Variants in GLI2 observed in about 807,000 individuals in gnomAD.
GLI2 encodes transcription activator GLI2.
GLI2 carries 22 observed loss-of-function variants against 78.9 expected under a neutral mutation model. The ratio of observed to expected loss-of-function variants is 0.28; its 90% confidence interval spans 0.20 to 0.40. The LOEUF is 0.40. Ranked by LOEUF, GLI2 falls within the 10% of genes least tolerant of loss-of-function variation. The pLI is 1.00. For missense variants in GLI2, 2,097 were observed against 2,213.2 expected, an observed-to-expected ratio of 0.95 and a Z score of 1.05; for synonymous variants, 974 against 963.7, an observed-to-expected ratio of 1.01 and a Z score of -0.20.
chr2:120,969,966 A>G (rs963035258), intron 6 of GLI2, among the ~76,000 whole-genome samples: 1 of 152,174 alleles, frequency 6.6e-6, no homozygotes, highest in Non-Finnish European at 1.5e-5. Context: ...GTGCAGTAAG[A>G]AGAGGAGAAT....
In GLI2 at chr2:120,974,878, G is replaced by T. The variant is rs146050362; in HGVS notation, c.1183-97G>T. 1,199 of 1,581,000 alleles carry T rather than the reference G, an allele frequency of 7.6e-4. 2 individuals carry two copies. Among genetic ancestry groups the T allele is most frequent in the Middle Eastern group, 1.8e-3 (10 of 5,422 alleles). On this transcript the variant is annotated intron_variant, in intron 8 of 13. Transcript: ENST00000361492. ...TGCATCCACACCTGTAACAGCCCAG[G>T]GTCCTTGGCACAGAATGCATGGGAC...
intron 2 of GLI2, among the ~76,000 whole-genome samples, chr2:120,918,105 G>C (rs1374655004): frequency 2.6e-5 from 4 of 152,190 alleles, no homozygotes; most frequent in Non-Finnish European, 5.9e-5. Context: ...CTCTGCCCTG[G>C]GTGGTGAGCA....
Position 120,986,538 on chromosome 2 carries a change from A to C in GLI2, c.2166A>C (p.Ser722=), listed in dbSNP as rs367706077. Reference sequence around the variant, plus strand: ...AGCTCAAGAAGGAGAAGCTCAAGTCACTCAAGGATTCCTGCTCATGGGCCG... The same window carrying C: ...AGCTCAAGAAGGAGAAGCTCAAGTCCCTCAAGGATTCCTGCTCATGGGCCG... ...FEQLKKEKLK[S]LKDSCSWAGP... is the part of the protein sequence containing the mutation. Residue 722 remains serine, a synonymous_variant, in exon 13 of 14, where the codon TCA becomes TCC. Transcript: ENST00000361492. 4 of 1,614,030 alleles carry C rather than the reference A, an allele frequency of 2.5e-6. No individual in the cohort carries two copies. The East Asian group carries it at 8.9e-5, about 36-fold the overall frequency.
intron 2 of GLI2, among the ~76,000 whole-genome samples, chr2:120,898,493 G>A (rs1251777399): frequency 1.3e-5 from 2 of 152,154 alleles, no homozygotes; most frequent in African/African-American, 4.8e-5. Context: ...CCAGCTCGGA[G>A]TGCAGAGCCA....
rs192418945 is a variant in GLI2 at position 120,860,266 on chromosome 2, G to A, written c.148+62798G>A. ...AAGGTCAAGCGGTCAGTACCACAGCGTGCCCTGAGGATGGCTTCGGTCAGT... is the reference window on the plus strand; with the variant it reads ...AAGGTCAAGCGGTCAGTACCACAGCATGCCCTGAGGATGGCTTCGGTCAGT... On this transcript the variant is annotated intron_variant, in intron 2 of 13. Transcript: ENST00000361492. Among the ~76,000 whole-genome samples the A allele has an allele frequency of 2.1e-3, 319 of 152,290 alleles. 5 individuals carry two copies. Among genetic ancestry groups the A allele is most frequent in the Non-Finnish European group, 6.3e-4 (43 of 68,020 alleles).
intron 3 of GLI2, among the ~76,000 whole-genome samples, chr2:120,930,489 G>A (rs1452356931): frequency 6.6e-6 from 1 of 152,232 alleles, no homozygotes; most frequent in Non-Finnish European, 1.5e-5. Flanking sequence ...TCTTGTGGGA[G>A]CGTAAGTATG....
rs117810223 is a variant in GLI2, at chr2:120,982,145, A to T, written c.1468-571A>T. ...GGGGGCTGCAGAAGTTTCCAGCCAG[A>T]GGGGTCGGTAGTATGCAGAGGCCCC... On this transcript the variant is annotated intron_variant, in intron 10 of 13. Transcript: ENST00000361492. Among the ~76,000 whole-genome samples, 245 of 152,280 alleles carry T rather than the reference A, an allele frequency of 1.6e-3. 1 individual carries two copies. In the East Asian group the frequency reaches 0.037, roughly 23 times the overall value.
intron 5 of GLI2, among the ~76,000 whole-genome samples, chr2:120,967,559 TG>T (rs1375256940): frequency 6.6e-6 from 1 of 152,228 alleles, no homozygotes; most frequent in African/African-American, 2.4e-5. Flanking sequence ...TACTCTTGTC[TG>T]GGGCAAGCCC....
chr2:120,991,082 G>A lies in GLI2; in HGVS notation c.*407G>A, dbSNP rs781716066. On this transcript the variant is annotated 3_prime_UTR_variant, in exon 14 of 14. Transcript: ENST00000361492. Reference sequence around the variant, plus strand: ...GGGTTTGAATCTGAATGCTATACTGGATACTCTGCTCCGGAAAGATGAGCT... The same window carrying A: ...GGGTTTGAATCTGAATGCTATACTGAATACTCTGCTCCGGAAAGATGAGCT... The A allele has an allele frequency of 4.4e-5, 8 of 181,292 alleles. No homozygotes were observed. The highest frequency in any genetic ancestry group is 8.2e-5 in the Non-Finnish European group (7 of 85,556). The allele number at this position is 181,292 out of a possible 1,614,324, so 11.2% of individuals were successfully genotyped here.
chr2:120,851,838 C>T (rs1449956220), intron 2 of GLI2, among the ~76,000 whole-genome samples: 2 of 152,194 alleles, frequency 1.3e-5, no homozygotes, highest in African/African-American at 2.4e-5. Context: ...ATAGAGTGGG[C>T]ATGAGAGGGT....
intron 2 of GLI2, among the ~76,000 whole-genome samples, chr2:120,918,339 C>T (rs1323781437): frequency 6.6e-6 from 1 of 152,086 alleles, no homozygotes; most frequent in Non-Finnish European, 1.5e-5. Context: ...AAGTTCTCTT[C>T]ATTACCATAG....
chr2:120,792,087 T>C (rs566764469), intron 1 of GLI2, among the ~76,000 whole-genome samples: 3 of 152,296 alleles, frequency 2.0e-5, no homozygotes, highest in Admixed American at 6.5e-5. Context: ...TGATTTTGCC[T>C]GGGGAACAAT....
At chr2:120,803,530 G>GA (rs1425795213) in intron 2 of GLI2, among the ~76,000 whole-genome samples, 1 of 152,196 alleles carries the variant, frequency 6.6e-6, no homozygotes, top group Non-Finnish European at 1.5e-5. Flanking sequence ...CAGCAGGTGG[G>GA]AAACCCAGGT....
At chr2:120,818,457 C>A (rs1685609044) in intron 2 of GLI2, among the ~76,000 whole-genome samples, 1 of 152,240 alleles carries the variant, frequency 6.6e-6, no homozygotes, top group Non-Finnish European at 1.5e-5. Context: ...GCAGACAAAG[C>A]CAAGAGCCAG....
chr2:120,951,032 GA>G (rs1246666893), intron 3 of GLI2, among the ~76,000 whole-genome samples: 17 of 152,162 alleles, frequency 1.1e-4, no homozygotes, highest in Non-Finnish European at 1.5e-5. Context: ...CACCAGCGTG[GA>G]GCTTTCACTC....
chr2:120,767,452 C>T lies in GLI2; in HGVS notation c.-30-29839C>T, dbSNP rs527328356. On this transcript the variant is annotated intron_variant, in intron 1 of 13. Transcript: ENST00000361492. The stretch of plus-strand genomic sequence containing the variant: ...CCAAGCTCCCTCTCCCAGTCTGCCG[C>T]TGGTGAGAGGGTCAAACAATTATGG... 5.9e-5 allele frequency among the ~76,000 whole-genome samples: 9 copies of T among 152,322 alleles called. No homozygotes were observed. In the South Asian group the frequency reaches 1.9e-3, roughly 32 times the overall value.
chr2:120,895,268 G>A (rs979714777), intron 2 of GLI2, among the ~76,000 whole-genome samples: 4 of 152,250 alleles, frequency 2.6e-5, no homozygotes, highest in South Asian at 2.1e-4. Flanking sequence ...GAACTTGGCT[G>A]TAAGTATGGA....
rs566501139 is a variant in GLI2, at chr2:120,759,664, A to G, written c.-31+23379A>G. Reference sequence around the variant, plus strand: ...CTGAACCTAGTCCTTTTGGGTTTTTATGGAGGCTTCATTACTTATGCATGA... The same window carrying G: ...CTGAACCTAGTCCTTTTGGGTTTTTGTGGAGGCTTCATTACTTATGCATGA... On this transcript the variant is annotated intron_variant, in intron 1 of 13. Coordinates refer to ENST00000361492, the MANE Select transcript of GLI2 (RefSeq NM_001374353.1). 1.8e-4 allele frequency among the ~76,000 whole-genome samples: 28 copies of G among 152,222 alleles called. No individual in the cohort carries two copies. The East Asian group carries it at 3.9e-3, about 21-fold the overall frequency.
intron 2 of GLI2, among the ~76,000 whole-genome samples, chr2:120,854,161 A>G (rs1687537926): frequency 6.6e-6 from 1 of 152,216 alleles, no homozygotes; most frequent in South Asian, 2.1e-4. Flanking sequence ...ACAAAAGGGC[A>G]GCCCAAGGGC....
Sources: gnomAD v4.1 joint callset for allele counts (sites outside exome capture counted in the v4.1 genomes callset) on GRCh38, gnomAD v4.1.1 for gene constraint, MANE v1.5 for transcripts, NCBI Gene and HGNC (gene_info 2026-07-23, HGNC 2026-07-21) for gene names.